The following LRRC36 variants were observed in gnomAD, a reference collection of about 807,000 sequenced individuals.
LRRC36 encodes leucine-rich repeat-containing protein 36.
A neutral mutation model predicts 81.1 loss-of-function variants in LRRC36; 62 were observed. That is an observed-to-expected ratio of 0.76 (90% CI 0.62 to 0.94). LRRC36 has a LOEUF of 0.94. Among genes scored for constraint, LRRC36 ranks in the 40% least tolerant of loss-of-function variants. The pLI, the probability that LRRC36 is intolerant of heterozygous loss-of-function variation, is 0.00. For synonymous variants in LRRC36, 334 were observed against 348.6 expected, an observed-to-expected ratio of 0.96 and a Z score of 0.47; for missense variants, 761 against 881.7, an observed-to-expected ratio of 0.86 and a Z score of 1.73.
chr16:67,368,995 T>C (rs1307982746), intron 8 of LRRC36, among the ~76,000 whole-genome samples: 1 of 152,154 alleles, frequency 6.6e-6, no homozygotes, highest in African/African-American at 2.4e-5. Context: ...TTAAGATAAA[T>C]ATCAAGAGTT....
intron 1 of LRRC36, among the ~76,000 whole-genome samples, chr16:67,339,339 AC>A (rs1316774545): frequency 6.6e-6 from 1 of 150,860 alleles, no homozygotes; most frequent in African/African-American, 2.4e-5. Flanking sequence ...AACTTTGTGG[AC>A]CCCTGTACAT....
intron 1 of LRRC36, among the ~76,000 whole-genome samples, chr16:67,334,042 T>C (rs1284006361): frequency 6.6e-6 from 1 of 152,056 alleles, no homozygotes; most frequent in Non-Finnish European, 1.5e-5. Context: ...TATTTATTTA[T>C]TTTTTTGAGA....
At position 67,326,917 on chromosome 16, in the gene LRRC36, A is replaced by G. The variant is rs552255322; in HGVS notation, c.55A>G (p.Thr19Ala). ...EEGIRRLGAL[T>A]LEQPELVESL... is the part of the protein sequence containing the mutation. Reference sequence around the variant, plus strand: ...AGGCATTCGCCGCCTGGGGGCGCTGACGCTGGAGCAGCCGGGTAGGGTCTG... The same window carrying G: ...AGGCATTCGCCGCCTGGGGGCGCTGGCGCTGGAGCAGCCGGGTAGGGTCTG... Residue 19 changes from threonine to alanine, a missense_variant, in exon 1 of 14, where the codon ACG (threonine) becomes GCG (alanine). Physicochemically the swap from Thr to Ala is moderately conservative, Grantham distance 58. Transcript: ENST00000329956. 7 of 1,489,834 alleles carry G rather than the reference A, an allele frequency of 4.7e-6. No homozygotes were observed. In the East Asian group the frequency reaches 1.7e-4, roughly 36 times the overall value. 92.3% of individuals were successfully genotyped at this position (1,489,834 alleles called of 1,614,324 possible).
chr16:67,339,529 A>G (rs2037928799), intron 1 of LRRC36, among the ~76,000 whole-genome samples: 2 of 152,324 alleles, frequency 1.3e-5, no homozygotes, highest in South Asian at 2.1e-4. Flanking sequence ...ATAACCTCAT[A>G]TAAGATTTGA....
Position 67,350,241 on chromosome 16 carries a change from G to A in LRRC36, c.528G>A (p.Glu176=). The change falls in exon 5 of 14, where the codon GAG becomes GAA. Residue 176 remains glutamate (E), a synonymous_variant. Coordinates refer to ENST00000329956, the MANE Select transcript of LRRC36 (RefSeq NM_018296.6). The part of the protein sequence containing the change: ...EKTMKNCVTG[E]SSASKVSANV... Reference sequence around the variant, plus strand: ...CAATGAAAAACTGTGTAACAGGTGAGAGCTCTGCATCAAAAGTCAGTGCTA... The same window carrying A: ...CAATGAAAAACTGTGTAACAGGTGAAAGCTCTGCATCAAAAGTCAGTGCTA... The A allele has an allele frequency of 6.2e-7, 1 of 1,613,362 alleles. No homozygotes were observed. The highest frequency in any genetic ancestry group is 1.1e-5 in the South Asian group (1 of 91,050).
At chr16:67,349,147 A>G (rs1195857286) in intron 4 of LRRC36, among the ~76,000 whole-genome samples, 1 of 152,188 alleles carries the variant, frequency 6.6e-6, no homozygotes, top group African/African-American at 2.4e-5. Flanking sequence ...ACAGAGATTA[A>G]TTAATGTGTA....
At chr16:67,376,360 G>A (rs1242998976) in intron 10 of LRRC36, among the ~76,000 whole-genome samples, 1 of 152,130 alleles carries the variant, frequency 6.6e-6, no homozygotes, top group Non-Finnish European at 1.5e-5. Context: ...CTTAAACGTT[G>A]TTTGGGGTTA....
At chr16:67,375,462 G>A (rs1395691685) in intron 10 of LRRC36, 50 bp downstream of exon 10, 1 of 1,491,980 alleles carries the variant, frequency 6.7e-7, no homozygotes, top group Admixed American at 2.3e-5. Flanking sequence ...CTTTTCCTCT[G>A]CTCTGTGTTC....
At chr16:67,359,378 A>G (rs975896380) in intron 5 of LRRC36, among the ~76,000 whole-genome samples, 3 of 152,252 alleles carry the variant, frequency 2.0e-5, no homozygotes, top group Admixed American at 1.3e-4. Flanking sequence ...AAGCCAGACA[A>G]AAAGGTCATA....
rs540544708 is a variant in LRRC36, at chr16:67,341,875, G to C, written c.71-82G>C. On this transcript the variant is annotated intron_variant, in intron 1 of 13. Coordinates refer to ENST00000329956, the MANE Select transcript of LRRC36 (RefSeq NM_018296.6). Reference sequence around the variant, plus strand: ...AGGGCCTTGCACAGTTGAGATATGGGAGGAAGAAAGGCCTACTTTCACTGA... The same window carrying C: ...AGGGCCTTGCACAGTTGAGATATGGCAGGAAGAAAGGCCTACTTTCACTGA... 2.6e-6 allele frequency: 3 copies of C among 1,143,164 alleles called. No homozygotes were observed. The African/African-American group carries it at 4.7e-5, about 18-fold the overall frequency. The allele number at this position is 1,143,164 out of a possible 1,614,324, so 70.8% of individuals were successfully genotyped here.
intron 9 of LRRC36, among the ~76,000 whole-genome samples, chr16:67,373,769 T>C (rs2039765928): frequency 6.7e-6 from 1 of 149,966 alleles, no homozygotes; most frequent in Admixed American, 6.6e-5. Flanking sequence ...TCCCAGCACT[T>C]TGCGAGGCCA....
chr16:67,362,038 C>T (rs2142084049), intron 5 of LRRC36: 1 of 294,596 alleles, frequency 3.4e-6, no homozygotes, highest in African/African-American at 2.3e-5. Context: ...CTAAACCAGC[C>T]TGGGCAACAT....
At chr16:67,378,554 C>T in intron 11 of LRRC36, 35 bp from the exon 12 acceptor site, 1 of 1,607,300 alleles carries the variant, frequency 6.2e-7, no homozygotes, top group Middle Eastern at 1.7e-4. Flanking sequence ...ATGTCAGATT[C>T]TTAATGTATT....
chr16:67,349,778 GGAGACA>G lies in LRRC36; in HGVS notation c.489-420_489-415del, dbSNP rs1225476814. Among the ~76,000 whole-genome samples, 8 of 132,904 alleles carry G rather than the reference GGAGACA, an allele frequency of 6.0e-5. No homozygotes were observed. In the East Asian group the frequency reaches 1.7e-3, roughly 29 times the overall value. 87.2% of individuals were successfully genotyped at this position (132,904 alleles called of 152,430 possible). ...ATATTTGTGCAACTTTTTTTTTTTT[GGAGACA>G]GAGTCTTGCTCTGTCACCCAAACTG... On this transcript the variant is annotated intron_variant, in intron 4 of 13. Transcript: ENST00000329956.
At chr16:67,366,958 C>G (rs1264136948) in intron 7 of LRRC36, 59 bp from the exon 8 acceptor site, 1 of 1,379,536 alleles carries the variant, frequency 7.2e-7, no homozygotes, top group Non-Finnish European at 1.0e-6. Context: ...AGAGGTACTC[C>G]CAGCTAGGCC....
chr16:67,363,711 A>C lies in LRRC36; in HGVS notation c.699A>C (p.Thr233=). 6.2e-7 allele frequency: 1 copy of C among 1,613,724 alleles called. No individual in the cohort carries two copies. The highest frequency in any genetic ancestry group is 8.5e-7 in the Non-Finnish European group (1 of 1,179,724). ...DQKLDTFPLG[T]QTQEVARREM... is the part of the protein sequence containing the mutation. ...AATTAGACACCTTCCCACTGGGGAC[A>C]CAGGTAATGTATTCACTCTCCTGCT... The change falls in exon 6 of 14, where the codon ACA becomes ACC. Residue 233 remains threonine (T), a synonymous_variant. Transcript: ENST00000329956.
At position 67,346,459 on chromosome 16, in the gene LRRC36, C is replaced by A; in HGVS notation, c.391+11C>A. ...CTCTGGAGAAATTAGGTAAGACCTT[C>A]CTTCTCTGTTCCTGTCCACAGAATC... On this transcript the variant is annotated intron_variant, in intron 3 of 13. Coordinates refer to ENST00000329956, the MANE Select transcript of LRRC36 (RefSeq NM_018296.6). 6.5e-7 allele frequency: 1 copy of A among 1,543,258 alleles called. No homozygotes were observed. Among genetic ancestry groups the A allele is most frequent in the South Asian group, 1.2e-5 (1 of 81,320 alleles).
At chr16:67,371,647 G>T in intron 9 of LRRC36, 1 of 271,160 alleles carries the variant, frequency 3.7e-6, no homozygotes, top group Non-Finnish European at 7.3e-6. Flanking sequence ...TGAGTGGGTG[G>T]ATCACCTCAG....
chr16:67,331,856 CACATGCCTGTAA>C (rs2037507317), intron 1 of LRRC36, among the ~76,000 whole-genome samples: 1 of 151,948 alleles, frequency 6.6e-6, no homozygotes, highest in African/African-American at 2.4e-5. Flanking sequence ...GGCGGGGTGG[CACATGCCTGTAA>C]TCCCAGCTAC....
Sources: allele counts gnomAD v4.1 joint callset (sites outside exome capture counted in the v4.1 genomes callset), GRCh38; gene constraint gnomAD v4.1.1; transcripts MANE v1.5; gene names NCBI Gene and HGNC (gene_info 2026-07-23, HGNC 2026-07-21).